Variants in FOCAD observed in about 807,000 individuals in gnomAD.
FOCAD encodes focadhesin.
FOCAD carries 198 observed loss-of-function variants against 225.6 expected under a neutral mutation model. The observed-to-expected ratio is 0.88, with a 90% confidence interval of 0.78 to 0.99. The LOEUF (loss-of-function observed/expected upper bound fraction) is 0.99, where lower values mean the gene tolerates loss of function less well. Ranked by LOEUF, FOCAD falls within the 50% of genes least tolerant of loss-of-function variation. The probability of loss-of-function intolerance (pLI) is 0.00; values close to 1 mark genes in which losing one functional copy is unlikely to be tolerated. For synonymous variants in FOCAD, 897 were observed against 755.0 expected, an observed-to-expected ratio of 1.19 and a Z score of -3.08; for missense variants, 2,713 against 2,123.6, an observed-to-expected ratio of 1.28 and a Z score of -5.46.
Position 20,707,664 on chromosome 9 carries a change from T to G in FOCAD, c.-32-7658T>G, listed in dbSNP as rs180676346. Among the ~76,000 whole-genome samples the G allele has an allele frequency of 9.9e-5, 15 of 152,242 alleles. No homozygotes were observed. In the East Asian group the frequency reaches 2.7e-3, roughly 27 times the overall value. On this transcript the variant is annotated intron_variant, in intron 1 of 43. Coordinates refer to ENST00000338382, the MANE Select transcript of FOCAD (RefSeq NM_001375567.1). ...CGTCATAAAGGTCTTCATCTTCACC[T>G]TCGTGTTGAGTAGGGTGAGGAGGAG...
chr9:20,969,560 C>T, intron 35 of FOCAD, among the ~76,000 whole-genome samples: 1 of 151,982 alleles, frequency 6.6e-6, no homozygotes. Flanking sequence ...TTATAAAGTT[C>T]TATTTCTCCC....
chr9:20,766,706 C>A (rs1009699377), intron 7 of FOCAD, among the ~76,000 whole-genome samples: 2 of 151,920 alleles, frequency 1.3e-5, no homozygotes, highest in African/African-American at 4.8e-5. Context: ...CTCTCCATTG[C>A]AAATGGTTTC....
intron 29 of FOCAD, among the ~76,000 whole-genome samples, chr9:20,946,065 T>TA (rs1837143643): frequency 6.8e-6 from 1 of 146,326 alleles, no homozygotes; most frequent in East Asian, 2.0e-4. Context: ...CATTGTTTTT[T>TA]ACCCATATTT....
chr9:20,797,409 G>T (rs919517082), intron 11 of FOCAD, among the ~76,000 whole-genome samples: 1 of 152,192 alleles, frequency 6.6e-6, no homozygotes, highest in Admixed American at 6.5e-5. Context: ...ACCTTGGGCA[G>T]TATGGCCATT....
rs575382066 is a variant in FOCAD at position 20,790,089 on chromosome 9, CTT to C, written c.1455+483_1455+484del. Among the ~76,000 whole-genome samples, 12 of 152,226 alleles carry C rather than the reference CTT, an allele frequency of 7.9e-5. No individual in the cohort carries two copies. The South Asian group carries it at 2.5e-3, about 32-fold the overall frequency. Reference sequence around the variant, plus strand: ...ATTTAATAGCTAAAAAATATTGACTCTTTGCTATATATGGTACGGATCTGCAT... The same window carrying C: ...ATTTAATAGCTAAAAAATATTGACTCTGCTATATATGGTACGGATCTGCAT... On this transcript the variant is annotated intron_variant, in intron 11 of 43. Coordinates refer to ENST00000338382, the MANE Select transcript of FOCAD (RefSeq NM_001375567.1).
intron 11 of FOCAD, 41 bp from the exon 12 acceptor site, chr9:20,819,755 G>T: frequency 9.0e-7 from 1 of 1,104,998 alleles, no homozygotes; most frequent in Non-Finnish European, 1.3e-6. Context: ...TTACTTTTTT[G>T]TAACAAGGCA....
At chr9:20,771,506 C>G (rs1387926965) in intron 8 of FOCAD, among the ~76,000 whole-genome samples, 1 of 152,098 alleles carries the variant, frequency 6.6e-6, no homozygotes, top group Non-Finnish European at 1.5e-5. Flanking sequence ...CACCTGTAAT[C>G]CCAGCACTTT....
rs749319748 is a variant in FOCAD, at chr9:20,948,266, A to G, written c.3676-5A>G. 1.9e-6 allele frequency: 3 copies of G among 1,598,692 alleles called. No individual in the cohort carries two copies. The highest frequency in any genetic ancestry group is 2.3e-5 in the South Asian group (2 of 87,744). ...TCTTACCCCATTTTTATTTATTTATATCAGACTTCAGGTTTTGCCCTGGCT... is the reference window on the plus strand; with the variant it reads ...TCTTACCCCATTTTTATTTATTTATGTCAGACTTCAGGTTTTGCCCTGGCT... On this transcript the variant is annotated splice_polypyrimidine_tract_variant and splice_region_variant and intron_variant, in intron 30 of 43. Transcript: ENST00000338382.
chr9:20,936,491 C>T (rs745324799), intron 28 of FOCAD, among the ~76,000 whole-genome samples: 1 of 152,156 alleles, frequency 6.6e-6, no homozygotes, highest in Non-Finnish European at 1.5e-5. Flanking sequence ...TGCCACTCAC[C>T]TGGTTTCTCA....
At chr9:20,782,148 T>TC (rs1339673455) in intron 10 of FOCAD, among the ~76,000 whole-genome samples, 3 of 152,204 alleles carry the variant, frequency 2.0e-5, no homozygotes, top group African/African-American at 7.2e-5. Flanking sequence ...ATCTTTTTTT[T>TC]CTCTGAAAAT....
intron 24 of FOCAD, among the ~76,000 whole-genome samples, chr9:20,918,555 C>G (rs1834069495): frequency 1.3e-5 from 2 of 152,104 alleles, no homozygotes; most frequent in East Asian, 3.9e-4. Flanking sequence ...AACCCCGTCT[C>G]TACTAAAAAT....
chr9:20,855,035 G>C (rs1194077121), intron 15 of FOCAD, among the ~76,000 whole-genome samples: 1 of 151,580 alleles, frequency 6.6e-6, no homozygotes, highest in Non-Finnish European at 1.5e-5. Flanking sequence ...GCAATAGACA[G>C]CTTTTTTTAA....
Position 20,960,113 on chromosome 9 carries a change from C to A in FOCAD, c.4132+7048C>A, listed in dbSNP as rs78089678. 3.0e-4 allele frequency among the ~76,000 whole-genome samples: 45 copies of A among 152,240 alleles called. No individual in the cohort carries two copies. In the East Asian group the frequency reaches 7.5e-3, roughly 25 times the overall value. Reference sequence around the variant, plus strand: ...TGTTGCTCTGCACTTATTTATTGGTCTCTTTGGTCTCCTTCAACCTGAACA... The same window carrying A: ...TGTTGCTCTGCACTTATTTATTGGTATCTTTGGTCTCCTTCAACCTGAACA... On this transcript the variant is annotated intron_variant, in intron 35 of 43. Transcript: ENST00000338382.
intron 35 of FOCAD, among the ~76,000 whole-genome samples, chr9:20,965,324 A>G (rs1839161518): frequency 6.6e-6 from 1 of 152,162 alleles, no homozygotes; most frequent in Non-Finnish European, 1.5e-5. Flanking sequence ...TGACTCACAA[A>G]TACTTGTTGC....
At chr9:20,752,326 G>A (rs1363450103) in intron 5 of FOCAD, among the ~76,000 whole-genome samples, 5 of 150,570 alleles carry the variant, frequency 3.3e-5, no homozygotes, top group Admixed American at 1.3e-4. Context: ...ATCTTGAATT[G>A]ATTTTTGTAT....
At chr9:20,707,740 G>C (rs377203971) in intron 1 of FOCAD, among the ~76,000 whole-genome samples, 4 of 152,192 alleles carry the variant, frequency 2.6e-5, no homozygotes, top group African/African-American at 9.7e-5. Flanking sequence ...AGAGGTAGAA[G>C]AAAAGCCACG....
At chr9:20,939,295 T>G (rs1836381405) in intron 28 of FOCAD, among the ~76,000 whole-genome samples, 1 of 152,086 alleles carries the variant, frequency 6.6e-6, no homozygotes, top group African/African-American at 2.4e-5. Context: ...AGAGTTGAGA[T>G]TTTGAACCTA....
chr9:20,819,734 T>C, intron 11 of FOCAD, 62 bp from the exon 12 acceptor site: 1 of 813,078 alleles, frequency 1.2e-6, no homozygotes. Context: ...AGATAAATAT[T>C]CCATTATATA....
Position 20,781,896 on chromosome 9 carries a change from A to G in FOCAD, c.1164A>G (p.Ile388Met), listed in dbSNP as rs774335670. The change falls in exon 10 of 44, where the codon ATA (isoleucine) becomes ATG (methionine). Residue 388 changes from isoleucine to methionine, a missense_variant. Transcript: ENST00000338382. ...TGGCTCTAAACCTTTTGGAAATGAT[A>G]CAGCAGGAATGTTACAGAGATGACC... Reference protein sequence around the residue: ...QQLALNLLEMIQQECYRDDHQ... With the variant: ...QQLALNLLEMMQQECYRDDHQ... 6 of 1,614,012 alleles carry G rather than the reference A, an allele frequency of 3.7e-6. No homozygotes were observed. In the Middle Eastern group the frequency reaches 6.6e-4, roughly 178 times the overall value.
Sources: gnomAD v4.1 joint callset for allele counts (sites outside exome capture counted in the v4.1 genomes callset) on GRCh38, gnomAD v4.1.1 for gene constraint, MANE v1.5 for transcripts, NCBI Gene and HGNC (gene_info 2026-07-23, HGNC 2026-07-21) for gene names.